Variants in SDK2 observed in about 807,000 individuals in gnomAD.
SDK2 encodes protein sidekick-2.
In SDK2, 105 loss-of-function variants were observed where a neutral mutation model predicts 253.9. That is an observed-to-expected ratio of 0.41 (90% confidence interval 0.35 to 0.49). SDK2 has a LOEUF of 0.49. Ranked by LOEUF, SDK2 falls within the 20% of genes least tolerant of loss-of-function variation. SDK2 has a pLI of 0.06. For missense variants in SDK2, 2,608 were observed against 3,003.0 expected, an observed-to-expected ratio of 0.87 and a Z score of 3.07; for synonymous variants, 1,249 against 1,234.9, an observed-to-expected ratio of 1.01 and a Z score of -0.24.
Position 73,338,518 on chromosome 17 carries a change from A to G in SDK2, c.*69T>C. On this transcript the variant is annotated 3_prime_UTR_variant, in exon 45 of 45. Coordinates refer to ENST00000392650, the MANE Select transcript of SDK2 (RefSeq NM_001144952.2). This position sits in a 1 kb window ranked among gnomAD's most constrained non-coding sequence, Gnocchi z 5.0. ...TTTCTTGGTGTTTTTGTTTTCTGGC[A>G]GGCAGTGAGAGGAGGGGTGAAGGAG... 1 of 927,120 alleles carries G rather than the reference A, an allele frequency of 1.1e-6. No homozygotes were observed. Among genetic ancestry groups the G allele is most frequent in the Non-Finnish European group, 1.6e-6 (1 of 609,658 alleles). The allele number at this position is 927,120 out of a possible 1,614,324, so 57.4% of individuals were successfully genotyped here. A position where few individuals can be genotyped will look rare whatever the true frequency, so the allele number is the denominator to read the frequency against.
intron 1 of SDK2, among the ~76,000 whole-genome samples, chr17:73,615,600 C>G (rs919625506): frequency 1.3e-5 from 2 of 152,170 alleles, no homozygotes; most frequent in East Asian, 3.9e-4. Context: ...CTGTTCCTGT[C>G]CACCACACGT....
Position 73,419,202 on chromosome 17 carries a change from C to T in SDK2, c.2150G>A (p.Ser717Asn), listed in dbSNP as rs1199758118. Residue 717 changes from serine to asparagine, a missense_variant, in exon 16 of 45, where the codon AGC becomes AAC. Ser to Asn is a conservative substitution (Grantham distance 46). This residue lies in a region of SDK2 where 1,505 missense variants were observed against 1,859.1 expected (regional missense o/e 0.81). Transcript: ENST00000392650. ...ACCCTTGAGAATTCCATTCTGGTGG[C>T]TCTCAGGAGGCGGCTGCCACTGGAT... ...IMIQWQPPPESHQNGILKGYI... is the reference protein window; with the variant it reads ...IMIQWQPPPENHQNGILKGYI... 1 of 1,612,216 alleles carries T rather than the reference C, an allele frequency of 6.2e-7. No individual in the cohort carries two copies. Among genetic ancestry groups the T allele is most frequent in the East Asian group, 2.2e-5 (1 of 44,874 alleles).
intron 1 of SDK2, 129 bp from the exon 2 acceptor site, chr17:73,507,726 G>T: frequency 2.0e-6 from 2 of 988,096 alleles, no homozygotes; most frequent in Non-Finnish European, 2.9e-6. Context: ...AGGTCCCGTG[G>T]CTGGGAGGGA....
intron 2 of SDK2, among the ~76,000 whole-genome samples, chr17:73,491,999 C>T (rs2063809413): frequency 6.6e-6 from 1 of 152,176 alleles, no homozygotes. Context: ...AAATCTGGGC[C>T]AGCTTCATGC....
chr17:73,504,336 A>G (rs1365356276), intron 2 of SDK2: 1 of 151,416 alleles, frequency 6.6e-6, no homozygotes, highest in Non-Finnish European at 1.5e-5. Flanking sequence ...TTAAGAATAC[A>G]TGCATTATTG....
At chr17:73,625,963 G>A (rs576101998) in intron 1 of SDK2, among the ~76,000 whole-genome samples, 14 of 152,250 alleles carry the variant, frequency 9.2e-5, no homozygotes, top group South Asian at 6.2e-4. Flanking sequence ...ATTTTGCACC[G>A]GATCCTGCAA....
At chr17:73,513,218 G>A (rs1464556338) in intron 1 of SDK2, among the ~76,000 whole-genome samples, 1 of 150,742 alleles carries the variant, frequency 6.6e-6, no homozygotes, top group Non-Finnish European at 1.5e-5. Context: ...CTGTTATCAC[G>A]GGCAAAGAGC....
intron 2 of SDK2, among the ~76,000 whole-genome samples, chr17:73,473,095 G>A (rs902680508): frequency 2.0e-5 from 3 of 152,240 alleles, no homozygotes; most frequent in Non-Finnish European, 4.4e-5. Flanking sequence ...GGGTTGGGCA[G>A]AGCCTTCTGA....
intron 1 of SDK2, among the ~76,000 whole-genome samples, chr17:73,571,677 C>T (rs2045388935): frequency 6.6e-6 from 1 of 152,246 alleles, no homozygotes; most frequent in Admixed American, 6.5e-5. Flanking sequence ...GGCATGTGCC[C>T]AGCGGGGGCT....
At position 73,399,280 on chromosome 17, in the gene SDK2, C is replaced by G; in HGVS notation, c.2981G>C (p.Gly994Ala). Residue 994 changes from glycine (G) to alanine (A), a missense_variant, in exon 22 of 45, where the codon GGG becomes GCG. Gly to Ala is a moderately conservative substitution (Grantham distance 60). Transcript: ENST00000392650. ...GGAAATGCCCAGGTTGGTGGGGGGC[C>G]CTGGGAGTTCTGGAAAAGGAGAACA... is the stretch of plus-strand genomic sequence containing the variant. ...ISSGVPPELP[G>A]PPTNLGISNI... 6.2e-7 allele frequency: 1 copy of G among 1,613,752 alleles called. No homozygotes were observed.
At chr17:73,619,044 G>A (rs2046095581) in intron 1 of SDK2, among the ~76,000 whole-genome samples, 1 of 151,882 alleles carries the variant, frequency 6.6e-6, no homozygotes, top group Admixed American at 6.6e-5. Context: ...GTGCGTGCCT[G>A]TAATTCCAGC....
In SDK2 at chr17:73,435,521, G is replaced by A; in HGVS notation, c.1124C>T (p.Thr375Ile). The change falls in exon 9 of 45, where the codon ACC (threonine) becomes ATC (isoleucine). Residue 375 changes from threonine (T) to isoleucine (I), a missense_variant. By Grantham distance (89) the Thr-to-Ile change is moderately conservative (BLOSUM62 -1). Around this residue, in one of 2 missense-constraint regions of SDK2, gnomAD observed 1,505 missense variants for 1,859.1 expected, o/e 0.81. Transcript: ENST00000392650. This position sits in a 1 kb window ranked among gnomAD's most constrained non-coding sequence, Gnocchi z 5.7. ...GCGGGCGAAGCACTGGAACATGCCG[G>A]TATCATCGGGCACCAGGCCGCTGAT... ...LQISGLVPDDTGMFQCFARNA... is the reference protein window; with the variant it reads ...LQISGLVPDDIGMFQCFARNA... 2 of 1,600,018 alleles carry A rather than the reference G, an allele frequency of 1.2e-6. No individual in the cohort carries two copies. The highest frequency in any genetic ancestry group is 1.7e-6 in the Non-Finnish European group (2 of 1,173,748).
chr17:73,501,294 G>C (rs2063889351), intron 2 of SDK2, among the ~76,000 whole-genome samples: 1 of 150,602 alleles, frequency 6.6e-6, no homozygotes, highest in African/African-American at 2.5e-5. Context: ...CCATACATTA[G>C]ACTCTGTATA....
In SDK2 at chr17:73,399,219, C is replaced by T. The variant is rs777262092; in HGVS notation, c.3042G>A (p.Arg1014=). The T allele has an allele frequency of 2.5e-6, 4 of 1,613,798 alleles. No individual in the cohort carries two copies. The Admixed American group carries it at 5.0e-5, about 20-fold the overall frequency. Residue 1014 remains arginine (R), a synonymous_variant, in exon 22 of 45, where the codon AGG becomes AGA. Transcript: ENST00000392650. ...TGGAGGTTTTCCCATCGTAGCCTGG[C>T]CTGAACTGCAAGGTCACAGAGCGGG... is the stretch of plus-strand genomic sequence containing the variant. ...IGPRSVTLQF[R]PGYDGKTSIS...
chr17:73,630,154 A>G (rs2046250298), intron 1 of SDK2, among the ~76,000 whole-genome samples: 1 of 151,730 alleles, frequency 6.6e-6, no homozygotes. Context: ...TAGGAGAAGC[A>G]CCTTCTCTTC....
At chr17:73,611,037 G>A (rs896848896) in intron 1 of SDK2, among the ~76,000 whole-genome samples, 1 of 152,222 alleles carries the variant, frequency 6.6e-6, no homozygotes, top group African/African-American at 2.4e-5. Context: ...TCTCTGCACA[G>A]TCTGAAATTG....
intron 36 of SDK2, among the ~76,000 whole-genome samples, chr17:73,378,433 T>C (rs2062801943): frequency 6.6e-6 from 1 of 151,954 alleles, no homozygotes; most frequent in African/African-American, 2.4e-5. Flanking sequence ...AATTTTTTTT[T>C]TTTTGAGACA....
intron 1 of SDK2, among the ~76,000 whole-genome samples, chr17:73,564,137 A>G (rs1314664781): frequency 6.6e-6 from 1 of 152,292 alleles, no homozygotes; most frequent in East Asian, 1.9e-4. Flanking sequence ...CTGTAAATTC[A>G]CACTTCAATT....
At chr17:73,444,544 C>T (rs181831567) in intron 5 of SDK2, among the ~76,000 whole-genome samples, 243 of 152,334 alleles carry the variant, frequency 1.6e-3, no homozygotes, top group African/African-American at 5.2e-3. Flanking sequence ...AGACGCTTTG[C>T]GTAACAGCCA....
Sources: allele counts gnomAD v4.1 joint callset (sites outside exome capture counted in the v4.1 genomes callset), GRCh38; gene constraint gnomAD v4.1.1; regional missense constraint gnomAD v4.1.1; non-coding constraint Gnocchi (gnomAD v3.1); transcripts MANE v1.5; gene names NCBI Gene and HGNC (gene_info 2026-07-23, HGNC 2026-07-21).